RAB11FIP5: variants seen among roughly 807,000 people sequenced by gnomAD.
RAB11FIP5 encodes rab11 family-interacting protein 5.
RAB11FIP5 carries 48 observed loss-of-function variants against 85.1 expected under a neutral mutation model. That is an observed-to-expected ratio of 0.56 (90% CI 0.45 to 0.72). RAB11FIP5 has a LOEUF of 0.72. RAB11FIP5 is among the 30% of genes least tolerant of loss of function. The probability of loss-of-function intolerance (pLI) is 0.00; values close to 1 mark genes in which losing one functional copy is unlikely to be tolerated. For synonymous variants in RAB11FIP5, 729 were observed against 727.3 expected, an observed-to-expected ratio of 1.00 and a Z score of -0.04; for missense variants, 1,491 against 1,687.0, an observed-to-expected ratio of 0.88 and a Z score of 2.04.
In RAB11FIP5 at chr2:73,075,413, G is replaced by A. The variant is rs1345181554; in HGVS notation, c.*108C>T. Reference sequence around the variant, plus strand: ...GGCAGGAGGGAGAGGAGCAAGGAGTGACAAGGCAAGACAGACGATGCCCCA... The same window carrying A: ...GGCAGGAGGGAGAGGAGCAAGGAGTAACAAGGCAAGACAGACGATGCCCCA... On this transcript the variant is annotated 3_prime_UTR_variant, in exon 6 of 6. Coordinates refer to ENST00000486777, the MANE Select transcript of RAB11FIP5 (RefSeq NM_001371272.1). The surrounding 1 kb of genome is among the most constrained non-coding windows in gnomAD (Gnocchi z 4.6). 8.6e-7 allele frequency: 1 copy of A among 1,160,034 alleles called. No individual in the cohort carries two copies. The allele number at this position is 1,160,034 out of a possible 1,614,324, so 71.9% of individuals were successfully genotyped here.
rs1372332642 is a variant in RAB11FIP5 at position 73,074,573 on chromosome 2, G to T, written c.*948C>A. 6.4e-6 allele frequency: 1 copy of T among 155,386 alleles called. No homozygotes were observed. The highest frequency in any genetic ancestry group is 1.4e-5 in the Non-Finnish European group (1 of 69,864). The allele number at this position is 155,386 out of a possible 1,614,324, so 9.6% of individuals were successfully genotyped here. On this transcript the variant is annotated 3_prime_UTR_variant, in exon 6 of 6. Coordinates refer to ENST00000486777, the MANE Select transcript of RAB11FIP5 (RefSeq NM_001371272.1). ...GGGAGGGGGACGCCACACAGCGGGA[G>T]AGGTCGACATCCAGGGGCTCTTGAC...
chr2:73,104,444 T>A (rs1261949618), intron 1 of RAB11FIP5, among the ~76,000 whole-genome samples: 1 of 152,172 alleles, frequency 6.6e-6, no homozygotes, highest in Non-Finnish European at 1.5e-5. Flanking sequence ...GGCACGCACC[T>A]GTAGTCCCAG....
intron 1 of RAB11FIP5, among the ~76,000 whole-genome samples, chr2:73,112,051 C>A (rs777403136): frequency 6.6e-6 from 1 of 152,146 alleles, no homozygotes; most frequent in Admixed American, 6.5e-5. Context: ...TCCATAGCCC[C>A]AAAGCCTCTG....
intron 1 of RAB11FIP5, among the ~76,000 whole-genome samples, chr2:73,103,438 A>G (rs1558523565): frequency 6.6e-6 from 1 of 152,182 alleles, no homozygotes; most frequent in Non-Finnish European, 1.5e-5. Context: ...CACAAGGAAA[A>G]GCTGCAAAAA....
Position 73,093,104 on chromosome 2 carries a change from G to A in RAB11FIP5, c.432-3789C>T, listed in dbSNP as rs567091014. On this transcript the variant is annotated intron_variant, in intron 1 of 5. Transcript: ENST00000486777. ...AAAACTATGAACACTGTCGAGGGGG[G>A]CTGAGGAATCCGCAATGAAAACAAA... is the stretch of plus-strand genomic sequence containing the variant. Among the ~76,000 whole-genome samples the A allele has an allele frequency of 2.0e-5, 3 of 152,336 alleles. No homozygotes were observed. The East Asian group carries it at 5.8e-4, about 29-fold the overall frequency.
At position 73,109,135 on chromosome 2, in the gene RAB11FIP5, CG is replaced by C. The variant is rs1267752463; in HGVS notation, c.431+3211del. Among the ~76,000 whole-genome samples the C allele has an allele frequency of 2.0e-5, 3 of 152,174 alleles. No individual in the cohort carries two copies. In the East Asian group the frequency reaches 5.8e-4, roughly 29 times the overall value. On this transcript the variant is annotated intron_variant, in intron 1 of 5. Transcript: ENST00000486777. ...GATTTCCAGACCAACAGGAACATGA[CG>C]ATCCATGGACAGTTCTACTGAGGGT...
Position 73,105,008 on chromosome 2 carries a change from G to A in RAB11FIP5, c.431+7339C>T, listed in dbSNP as rs530015332. Among the ~76,000 whole-genome samples, 5 of 152,332 alleles carry A rather than the reference G, an allele frequency of 3.3e-5. 1 individual carries two copies. In the South Asian group the frequency reaches 6.2e-4, roughly 19 times the overall value. On this transcript the variant is annotated intron_variant, in intron 1 of 5. Coordinates refer to ENST00000486777, the MANE Select transcript of RAB11FIP5 (RefSeq NM_001371272.1). ...GTTGTCCAGTAATTGCTTCCTGGAT[G>A]TTGTGAAACAGAAGGGAAAAAATAG... is the stretch of plus-strand genomic sequence containing the variant.
chr2:73,093,466 C>T (rs1257591346), intron 1 of RAB11FIP5, among the ~76,000 whole-genome samples: 1 of 152,216 alleles, frequency 6.6e-6, no homozygotes, highest in African/African-American at 2.4e-5. Flanking sequence ...GACTGAGTAT[C>T]CCCTGGGGCA....
At position 73,073,393 on chromosome 2, in the gene RAB11FIP5, A is replaced by G. The variant is rs1057150035; in HGVS notation, c.*2128T>C. The G allele has an allele frequency of 2.0e-5, 3 of 152,650 alleles. No homozygotes were observed. The highest frequency in any genetic ancestry group is 6.5e-5 in the Admixed American group (1 of 15,280). The allele number at this position is 152,650 out of a possible 1,614,324, so 9.5% of individuals were successfully genotyped here. ...ACAACAGAGCCACCTGCAGTACATG[A>G]ATGTTTTATTCTTCATAAAGTGCTT... On this transcript the variant is annotated 3_prime_UTR_variant, in exon 6 of 6. Transcript: ENST00000486777.
Position 73,080,394 on chromosome 2 carries a change from G to T in RAB11FIP5, c.2838C>A (p.Pro946=), listed in dbSNP as rs1335065598. 9 of 1,232,980 alleles carry T rather than the reference G, an allele frequency of 7.3e-6. No individual in the cohort carries two copies. The highest frequency in any genetic ancestry group is 1.6e-5 in the African/African-American group (1 of 64,414). The allele number at this position is 1,232,980 out of a possible 1,614,324, so 76.4% of individuals were successfully genotyped here. A position where few individuals can be genotyped will look rare whatever the true frequency, so the allele number is the denominator to read the frequency against. The part of the protein sequence containing the change: ...DASPSALVVG[P]PETKEEGEKR... ...TCTCTCCCTCCTCCTTGGTCTCCGG[G>T]GGACCGACAACCAGTGCACTTGGGG... The change falls in exon 4 of 6, where the codon CCC becomes CCA. Residue 946 remains proline, a synonymous_variant. Transcript: ENST00000486777.
chr2:73,083,633 G>C (rs777253297), intron 3 of RAB11FIP5, among the ~76,000 whole-genome samples: 2 of 152,156 alleles, frequency 1.3e-5, no homozygotes, highest in Non-Finnish European at 2.9e-5. Flanking sequence ...CGTGGGCCCA[G>C]AGCCTCAACC....
chr2:73,092,582 G>A (rs1574299572), intron 1 of RAB11FIP5, among the ~76,000 whole-genome samples: 1 of 152,110 alleles, frequency 6.6e-6, no homozygotes, highest in East Asian at 1.9e-4. Context: ...GCGGGAGGCC[G>A]AGTTTCAGGT....
intron 1 of RAB11FIP5, among the ~76,000 whole-genome samples, chr2:73,094,759 C>T (rs1684285296): frequency 1.3e-5 from 2 of 152,304 alleles, no homozygotes; most frequent in East Asian, 1.9e-4. Flanking sequence ...CCCAGTAAGG[C>T]TTGCCTTCCC....
chr2:73,077,820 C>A (rs936639696), intron 4 of RAB11FIP5, among the ~76,000 whole-genome samples: 4 of 152,202 alleles, frequency 2.6e-5, no homozygotes, highest in African/African-American at 9.7e-5. Flanking sequence ...GCATCAGGCT[C>A]CCACATTAAC....
At position 73,089,129 on chromosome 2, in the gene RAB11FIP5, T is replaced by C. The variant is rs748342594; in HGVS notation, c.618A>G (p.Glu206=). ...KMKGKKKYDL[E]SASAILPSSA... Reference sequence around the variant, plus strand: ...TGCTTGGGAGGATGGCAGAGGCAGATTCCAGATCATACTTCTTCTTGCCCT... The same window carrying C: ...TGCTTGGGAGGATGGCAGAGGCAGACTCCAGATCATACTTCTTCTTGCCCT... Residue 206 remains glutamate (E), a synonymous_variant, in exon 2 of 6, where the codon GAA becomes GAG. Coordinates refer to ENST00000486777, the MANE Select transcript of RAB11FIP5 (RefSeq NM_001371272.1). The surrounding 1 kb of genome is among the most constrained non-coding windows in gnomAD (Gnocchi z 4.6). 3.1e-6 allele frequency: 5 copies of C among 1,614,116 alleles called. No individual in the cohort carries two copies. The African/African-American group carries it at 4.0e-5, about 13-fold the overall frequency.
chr2:73,076,047 C>T lies in RAB11FIP5; in HGVS notation c.3717G>A (p.Gln1239=), dbSNP rs1683854135. 6.2e-7 allele frequency: 1 copy of T among 1,614,144 alleles called. No homozygotes were observed. Residue 1239 remains glutamine (Q), a synonymous_variant, in exon 5 of 6, where the codon CAG becomes CAA. Transcript: ENST00000486777. ...KLKTVTSGSI[Q]PVTQAPQAGQ... is the part of the protein sequence containing the mutation. The stretch of plus-strand genomic sequence containing the variant: ...CAGCCTGGGGGGCCTGGGTCACAGG[C>T]TGAATGCTCCCAGATGTGACTGTTT...
intron 1 of RAB11FIP5, among the ~76,000 whole-genome samples, chr2:73,096,726 G>A (rs1473922296): frequency 1.3e-5 from 2 of 152,072 alleles, no homozygotes; most frequent in African/African-American, 2.4e-5. Context: ...TTTACCTGAC[G>A]TCCACATTCC....
At chr2:73,087,887 C>T (rs188891727) in intron 3 of RAB11FIP5, among the ~76,000 whole-genome samples, 163 bp downstream of exon 3, 15 of 152,204 alleles carry the variant, frequency 9.9e-5, no homozygotes, top group Non-Finnish European at 1.6e-4. Context: ...GAGCACAGAA[C>T]GAACCTTGGC....
intron 4 of RAB11FIP5, among the ~76,000 whole-genome samples, chr2:73,079,267 C>T (rs542769588): frequency 6.6e-6 from 1 of 152,174 alleles, no homozygotes; most frequent in African/African-American, 2.4e-5. Context: ...TGACAAGTTC[C>T]ACCGCCCCCC....
Sources: allele counts gnomAD v4.1 joint callset (sites outside exome capture counted in the v4.1 genomes callset), GRCh38; gene constraint gnomAD v4.1.1; non-coding constraint Gnocchi (gnomAD v3.1); transcripts MANE v1.5; gene names NCBI Gene and HGNC (gene_info 2026-07-23, HGNC 2026-07-21).